The following FER1L5 variants were observed in gnomAD, a reference collection of about 807,000 sequenced individuals.
FER1L5 encodes the protein fer-1-like protein 5.
A neutral mutation model predicts 279.9 loss-of-function variants in FER1L5; 187 were observed. That is an observed-to-expected ratio of 0.67 (90% CI 0.59 to 0.75). The LOEUF is 0.75. FER1L5 is among the 30% of genes least tolerant of loss of function. The probability of loss-of-function intolerance (pLI) is 0.00; values close to 1 mark genes in which losing one functional copy is unlikely to be tolerated. For synonymous variants in FER1L5, 921 were observed against 989.7 expected (o/e 0.93, Z 1.30); for missense variants, 2,091 against 2,594.4 (o/e 0.81, Z 4.21).
In FER1L5 at chr2:96,697,651, C is replaced by T. The variant is rs924152101; in HGVS notation, c.4135-9C>T. On this transcript the variant is annotated splice_polypyrimidine_tract_variant and intron_variant, in intron 38 of 52. Coordinates refer to ENST00000624922, the MANE Select transcript of FER1L5 (RefSeq NM_001293083.2). Reference sequence around the variant, plus strand: ...TGCCCGAGGCCAGAATGATCCTCTTCTCTGCCAGGATGAGTATGAGCATGA... The same window carrying T: ...TGCCCGAGGCCAGAATGATCCTCTTTTCTGCCAGGATGAGTATGAGCATGA... 6.2e-7 allele frequency: 1 copy of T among 1,614,002 alleles called. No individual in the cohort carries two copies.
At chr2:96,701,564 A>T (rs892059688) in intron 45 of FER1L5, among the ~76,000 whole-genome samples, 2 of 152,032 alleles carry the variant, frequency 1.3e-5, no homozygotes, top group African/African-American at 4.8e-5. Context: ...ACTGGTATCT[A>T]GTTTCCTCAT....
At chr2:96,676,870 T>A (rs112032102) in intron 19 of FER1L5, among the ~76,000 whole-genome samples, 15,363 of 152,190 alleles carry the variant, frequency 0.1, 1,720 homozygotes, top group African/African-American at 0.28. Flanking sequence ...TTTTTAAATA[T>A]TTTTGGGACG....
rs770590349 is a variant in FER1L5, at chr2:96,699,705, C to G, written c.4766C>G (p.Ser1589Cys). The G allele has an allele frequency of 1.2e-6, 2 of 1,613,988 alleles. No homozygotes were observed. The highest frequency in any genetic ancestry group is 1.7e-6 in the Non-Finnish European group (2 of 1,179,886). The change falls in exon 43 of 53, where the codon TCC becomes TGC. Residue 1589 changes from serine (S) to cysteine (C), a missense_variant. Transcript: ENST00000624922. ...GGCTTTGGAGCTCATTGTGGGCTCT[C>G]CAAATCCTACTGCCAGTGAGAGTGG... Reference protein sequence around the residue: ...LSGFGAHCGLSKSYCQSGPFR... With the variant: ...LSGFGAHCGLCKSYCQSGPFR...
rs560032267 is a variant in FER1L5 at position 96,693,937 on chromosome 2, C to T, written c.3501C>T (p.Ser1167=). 3.8e-5 allele frequency: 59 copies of T among 1,550,916 alleles called. No homozygotes were observed. In the Middle Eastern group the frequency reaches 3.5e-3, roughly 93 times the overall value. The part of the protein sequence containing the change: ...FWGKESLWGR[S]VWPPMVWLDL... ...GCAAGGAGAGCTTGTGGGGACGGAG[C>T]GTGTGGCCCCCAATGGTCTGGCTGG... is the stretch of plus-strand genomic sequence containing the variant. Residue 1167 remains serine, a synonymous_variant, in exon 33 of 53, where the codon AGC becomes AGT. Transcript: ENST00000624922.
chr2:96,688,966 T>A, intron 24 of FER1L5: 1 of 461,904 alleles, frequency 2.2e-6, no homozygotes. Context: ...ACTACATAGA[T>A]GTCTTATGAT....
intron 14 of FER1L5, among the ~76,000 whole-genome samples, chr2:96,666,952 T>G (rs773620553): frequency 2.0e-5 from 3 of 152,086 alleles, no homozygotes; most frequent in Non-Finnish European, 4.4e-5. Flanking sequence ...GCATCTGGCC[T>G]CTTTTCTTTC....
rs115003102 is a variant in FER1L5, at chr2:96,668,092, G to A, written c.1141-659G>A. Reference sequence around the variant, plus strand: ...CCCAGGCTGCTCAAGTGATCTGCCCGCTTCAGCCCCCCAAAGTGCTGGGAT... The same window carrying A: ...CCCAGGCTGCTCAAGTGATCTGCCCACTTCAGCCCCCCAAAGTGCTGGGAT... On this transcript the variant is annotated intron_variant, in intron 14 of 52. Transcript: ENST00000624922. Among the ~76,000 whole-genome samples the A allele has an allele frequency of 8.5e-3, 1,297 of 152,108 alleles. 17 individuals are homozygous for A. Among genetic ancestry groups the A allele is most frequent in the Non-Finnish European group, 0.012 (793 of 67,984 alleles).
At position 96,686,126 on chromosome 2, in the gene FER1L5, T is replaced by C; in HGVS notation, c.2073+9T>C. 1 of 1,549,240 alleles carries C rather than the reference T, an allele frequency of 6.5e-7. No individual in the cohort carries two copies. Among genetic ancestry groups the C allele is most frequent in the Non-Finnish European group, 8.7e-7 (1 of 1,145,406 alleles). On this transcript the variant is annotated intron_variant, in intron 22 of 52. Transcript: ENST00000624922. ...ACACCGTGCTCCCTGAGGTGGGTGC[T>C]GCACACACTGGCCTGCAGCAGGGCT...
chr2:96,648,742 T>C (rs766849048), intron 4 of FER1L5, among the ~76,000 whole-genome samples: 11 of 152,248 alleles, frequency 7.2e-5, no homozygotes, highest in Non-Finnish European at 1.3e-4. Flanking sequence ...CTGGGCTGGT[T>C]GCTGCAGATG....
chr2:96,701,973 G>T lies in FER1L5; in HGVS notation c.5089G>T (p.Val1697Leu), dbSNP rs772899895. The change falls in exon 46 of 53, where the codon GTG (valine) becomes TTG (leucine). Residue 1697 changes from valine (V) to leucine (L), a missense_variant. Coordinates refer to ENST00000624922, the MANE Select transcript of FER1L5 (RefSeq NM_001293083.2). ...GIDQGKVQMW[V>L]DIFPKKLGPP... ...GCTCTAGGGAAAGGTGCAAATGTGG[G>T]TGGACATCTTCCCCAAGAAGCTGGG... is the stretch of plus-strand genomic sequence containing the variant. 1.2e-6 allele frequency: 2 copies of T among 1,613,982 alleles called. No individual in the cohort carries two copies. The highest frequency in any genetic ancestry group is 1.3e-5 in the African/African-American group (1 of 75,042).
chr2:96,695,470 GCCTGCCCCTTGT>G lies in FER1L5; in HGVS notation c.3742-31_3742-20del, dbSNP rs2077335885. 3.9e-6 allele frequency: 6 copies of G among 1,539,010 alleles called. No homozygotes were observed. The South Asian group carries it at 7.4e-5, about 19-fold the overall frequency. On this transcript the variant is annotated intron_variant, in intron 34 of 52. Coordinates refer to ENST00000624922, the MANE Select transcript of FER1L5 (RefSeq NM_001293083.2). ...GCCAGGACCCCATTACAGAGGCGCT[GCCTGCCCCTTGT>G]CCTGCCCTCCTTCTTTGTTCTGGTA...
Position 96,694,388 on chromosome 2 carries a change from T to C in FER1L5, c.3665T>C (p.Leu1222Ser). The part of the protein sequence containing the change: ...EKLGEKQLPI[L>S]SVPWKNGAYT... Reference sequence around the variant, plus strand: ...CTTGGAGAGAAGCAGCTGCCTATCTTAAGCGTTCCCTGGAAGAATGGGGCA... The same window carrying C: ...CTTGGAGAGAAGCAGCTGCCTATCTCAAGCGTTCCCTGGAAGAATGGGGCA... Residue 1222 changes from leucine to serine, a missense_variant, in exon 34 of 53, where the codon TTA becomes TCA. Physicochemically the swap from Leu to Ser is moderately radical, Grantham distance 145. Coordinates refer to ENST00000624922, the MANE Select transcript of FER1L5 (RefSeq NM_001293083.2). The surrounding 1 kb of genome is among the most constrained non-coding windows in gnomAD (Gnocchi z 4.6). The C allele has an allele frequency of 6.4e-7, 1 of 1,550,574 alleles. No individual in the cohort carries two copies. Among genetic ancestry groups the C allele is most frequent in the Non-Finnish European group, 8.7e-7 (1 of 1,146,450 alleles).
intron 1 of FER1L5, among the ~76,000 whole-genome samples, chr2:96,643,473 C>G (rs751741097): frequency 4.6e-5 from 7 of 152,090 alleles, no homozygotes; most frequent in Non-Finnish European, 8.8e-5. Flanking sequence ...CCTCACCCTC[C>G]GAAGTAGCTG....
In FER1L5 at chr2:96,691,166, G is replaced by C; in HGVS notation, c.2744-24G>C. 3 of 1,533,918 alleles carry C rather than the reference G, an allele frequency of 2.0e-6. No individual in the cohort carries two copies. The highest frequency in any genetic ancestry group is 2.6e-6 in the Non-Finnish European group (3 of 1,136,842). ...CAACCTGCGGGCACCTGAGGACTCAGAGGCCATGGTCCACCCACCGCAGGC... is the reference window on the plus strand; with the variant it reads ...CAACCTGCGGGCACCTGAGGACTCACAGGCCATGGTCCACCCACCGCAGGC... On this transcript the variant is annotated intron_variant, in intron 27 of 52. Transcript: ENST00000624922. This position sits in a 1 kb window ranked among gnomAD's most constrained non-coding sequence, Gnocchi z 6.0.
chr2:96,691,490 G>C lies in FER1L5; in HGVS notation c.2953G>C (p.Gly985Arg). ...EEEGWEYDTF[G>R]SKFHLNPQPQ... ...GGAGGGCTGGGAGTATGACACCTTC[G>C]GCTCCAAGTTCCACCTCAACCCTCA... Residue 985 changes from glycine (G) to arginine (R), a missense_variant, in exon 29 of 53, where the codon GGC (glycine) becomes CGC (arginine). Physicochemically the swap from Gly to Arg is moderately radical, Grantham distance 125. Coordinates refer to ENST00000624922, the MANE Select transcript of FER1L5 (RefSeq NM_001293083.2). This position sits in a 1 kb window ranked among gnomAD's most constrained non-coding sequence, Gnocchi z 6.0. 1 of 1,549,402 alleles carries C rather than the reference G, an allele frequency of 6.5e-7. No individual in the cohort carries two copies. Among genetic ancestry groups the C allele is most frequent in the South Asian group, 1.2e-5 (1 of 83,778 alleles).
rs1319107820 is a variant in FER1L5 at position 96,690,509 on chromosome 2, G to A, written c.2663G>A (p.Arg888Gln). ...TDVNGQPMEA[R>Q]ENVKCPQGWH... ...CAGAATGGACAGCCCATGGAGGCCC[G>A]GGAGAACGTGAAGTGCCCCCAAGGC... Residue 888 changes from arginine (R) to glutamine (Q), a missense_variant, in exon 27 of 53, where the codon CGG (arginine) becomes CAG (glutamine). By Grantham distance (43) the Arg-to-Gln change is conservative. Coordinates refer to ENST00000624922, the MANE Select transcript of FER1L5 (RefSeq NM_001293083.2). 1.5e-5 allele frequency: 24 copies of A among 1,551,530 alleles called. No individual in the cohort carries two copies. The highest frequency in any genetic ancestry group is 9.8e-5 in the East Asian group (4 of 40,934).
intron 6 of FER1L5, among the ~76,000 whole-genome samples, chr2:96,651,243 CTT>C (rs1454821933): frequency 1.1e-4 from 7 of 62,138 alleles, no homozygotes; most frequent in Admixed American, 3.3e-4. Flanking sequence ...CTTTCTCTTT[CTT>C]TCTTTCTTTC....
At chr2:96,690,352 G>A in intron 26 of FER1L5, 135 bp from the exon 27 acceptor site, 1 of 724,808 alleles carries the variant, frequency 1.4e-6, no homozygotes, top group Non-Finnish European at 2.4e-6. Context: ...TATGAGGTGT[G>A]GCAAGCACAG....
At chr2:96,695,287 T>C in intron 34 of FER1L5, 1 of 568,830 alleles carries the variant, frequency 1.8e-6, no homozygotes, top group Non-Finnish European at 2.9e-6. Context: ...CCTCATGGGT[T>C]GGGGGACAGC....
Sources: gnomAD v4.1 joint callset for allele counts (sites outside exome capture counted in the v4.1 genomes callset) on GRCh38, gnomAD v4.1.1 for gene constraint, Gnocchi (gnomAD v3.1) non-coding constraint, MANE v1.5 for transcripts, NCBI Gene and HGNC (gene_info 2026-07-23, HGNC 2026-07-21) for gene names.